The following GLI3 variants were observed in gnomAD, a reference collection of about 807,000 sequenced individuals.
GLI3 encodes GLI family zinc finger 3, also known as transcription activator GLI3.
GLI3 carries 20 observed loss-of-function variants against 100.8 expected under a neutral mutation model. The ratio of observed to expected loss-of-function variants is 0.20; its 90% CI spans 0.14 to 0.29. The LOEUF is 0.29. GLI3 is among the 10% of genes least tolerant of loss of function. The pLI, the probability that GLI3 is intolerant of heterozygous loss-of-function variation, is 1.00. For synonymous variants in GLI3, 938 were observed against 860.5 expected (o/e 1.09, Z -1.58); for missense variants, 2,040 against 2,128.5 (o/e 0.96, Z 0.82).
chr7:42,150,913 C>T (rs79853167), intron 2 of GLI3, among the ~76,000 whole-genome samples: 16,023 of 152,084 alleles, frequency 0.11, 1,026 homozygotes, highest in Middle Eastern at 0.15. Flanking sequence ...GGAGGGTAAT[C>T]GGGGCGGCGG....
intron 10 of GLI3, among the ~76,000 whole-genome samples, chr7:41,982,116 T>A (rs948149714): frequency 2.0e-5 from 3 of 152,162 alleles, no homozygotes; most frequent in Non-Finnish European, 4.4e-5. Context: ...ATTTTTGCAA[T>A]TTTCTGGAAC....
chr7:42,223,114 T>A lies in GLI3; in HGVS notation c.124+16A>T, dbSNP rs957877022. 6.2e-7 allele frequency: 1 copy of A among 1,613,566 alleles called. No homozygotes were observed. Among genetic ancestry groups the A allele is most frequent in the Non-Finnish European group, 8.5e-7 (1 of 1,179,658 alleles). On this transcript the variant is annotated intron_variant, in intron 2 of 14. Transcript: ENST00000395925. ...TGACTCCAGGCTGGGCTGCTGGTAATCCCTGTGCTGCTCACCATTAGAAGT... is the reference window on the plus strand; with the variant it reads ...TGACTCCAGGCTGGGCTGCTGGTAAACCCTGTGCTGCTCACCATTAGAAGT...
At chr7:42,005,573 C>G (rs2051211117) in intron 10 of GLI3, among the ~76,000 whole-genome samples, 1 of 151,644 alleles carries the variant, frequency 6.6e-6, no homozygotes, top group Admixed American at 6.6e-5. Flanking sequence ...GCCTTTTGTA[C>G]CCTTGGCAGG....
At chr7:42,216,169 A>C (rs1241140501) in intron 2 of GLI3, among the ~76,000 whole-genome samples, 1 of 152,180 alleles carries the variant, frequency 6.6e-6, no homozygotes, top group Non-Finnish European at 1.5e-5. Flanking sequence ...ATGCTGTTAC[A>C]CATGTCCCCT....
intron 3 of GLI3, among the ~76,000 whole-genome samples, chr7:42,132,170 G>C (rs1350016698): frequency 6.6e-6 from 1 of 151,686 alleles, no homozygotes; most frequent in Non-Finnish European, 1.5e-5. Context: ...GTTCAATCTC[G>C]GCTCACTGCA....
intron 7 of GLI3, among the ~76,000 whole-genome samples, chr7:42,035,933 A>C (rs567846021): frequency 6.6e-6 from 1 of 152,202 alleles, no homozygotes; most frequent in Non-Finnish European, 1.5e-5. Context: ...ATATTTTATA[A>C]CATACTTTCC....
intron 7 of GLI3, among the ~76,000 whole-genome samples, chr7:42,036,651 G>A (rs1446706749): frequency 6.6e-6 from 1 of 152,198 alleles, no homozygotes; most frequent in African/African-American, 2.4e-5. Context: ...TTAATGACAT[G>A]TTTAGAAATG....
upstream of GLI3, among the ~76,000 whole-genome samples, chr7:42,238,025 T>TCCTCCTC (rs1788864832): frequency 3.7e-5 from 4 of 108,928 alleles, no homozygotes; most frequent in African/African-American, 1.9e-4. Context: ...TCCTCCTCCT[T>TCCTCCTC]CTCCTCCTCC....
rs572105197 is a variant in GLI3 at position 42,025,375 on chromosome 7, G to T, written c.1245C>A (p.Asn415Lys). 2 of 1,608,814 alleles carry T rather than the reference G, an allele frequency of 1.2e-6. No individual in the cohort carries two copies. Among genetic ancestry groups the T allele is most frequent in the African/African-American group, 2.7e-5 (2 of 74,942 alleles). ...TCACTGCAGACTCACTCGTGGGCTT[G>T]TTCTGCTGGTCACATTTGCAGAGCC... ...VSSGPSESSQ[N>K]KPTSESAVSS... The change falls in exon 9 of 15, where the codon AAC (asparagine) becomes AAA (lysine). Residue 415 changes from asparagine to lysine, a missense_variant and splice_region_variant. Coordinates refer to ENST00000395925, the MANE Select transcript of GLI3 (RefSeq NM_000168.6).
At chr7:42,120,148 C>T (rs1158957024) in intron 3 of GLI3, among the ~76,000 whole-genome samples, 2 of 152,194 alleles carry the variant, frequency 1.3e-5, no homozygotes, top group African/African-American at 4.8e-5. Context: ...TTGACTTTAG[C>T]AGCCCCACTG....
intron 6 of GLI3, among the ~76,000 whole-genome samples, chr7:42,044,125 C>A (rs549203097): frequency 6.6e-6 from 1 of 152,338 alleles, no homozygotes; most frequent in East Asian, 1.9e-4. Context: ...GAAATAATCA[C>A]CTTCTTTCTA....
At chr7:42,239,800 CTTT>C (rs1244330258), upstream of GLI3, among the ~76,000 whole-genome samples, 1 of 152,156 alleles carries the variant, frequency 6.6e-6, no homozygotes, top group East Asian at 1.9e-4. Flanking sequence ...TCCAACTCTG[CTTT>C]AATGGTAAAC....
chr7:42,057,572 T>C (rs370721001), intron 4 of GLI3, among the ~76,000 whole-genome samples: 1 of 152,168 alleles, frequency 6.6e-6, no homozygotes, highest in Admixed American at 6.5e-5. Context: ...AACAACCTAA[T>C]ATCTATCAAC....
At chr7:42,117,645 T>C (rs934803093) in intron 3 of GLI3, among the ~76,000 whole-genome samples, 22 of 152,346 alleles carry the variant, frequency 1.4e-4, no homozygotes, top group East Asian at 3.9e-4. Context: ...TTTTGACTTG[T>C]TAGATGCCTG....
intron 1 of GLI3, among the ~76,000 whole-genome samples, chr7:42,263,290 C>G (rs1262999655): frequency 6.6e-6 from 1 of 152,130 alleles, no homozygotes; most frequent in Non-Finnish European, 1.5e-5. Flanking sequence ...AAAGTGCCTC[C>G]CCCTTGCCAG....
intron 10 of GLI3, among the ~76,000 whole-genome samples, chr7:42,013,469 T>G (rs1449797225): frequency 1.3e-5 from 2 of 152,078 alleles, no homozygotes; most frequent in South Asian, 4.1e-4. Flanking sequence ...CATAGCTCAT[T>G]GCAGCCACCT....
At chr7:42,091,922 A>C (rs1308871565) in intron 3 of GLI3, among the ~76,000 whole-genome samples, 1 of 152,208 alleles carries the variant, frequency 6.6e-6, no homozygotes, top group African/African-American at 2.4e-5. Flanking sequence ...AGTCAAACAA[A>C]CAGTTCACTT....
chr7:42,197,730 T>C lies in GLI3; in HGVS notation c.124+25400A>G, dbSNP rs1787956475. On this transcript the variant is annotated intron_variant, in intron 2 of 14. Coordinates refer to ENST00000395925, the MANE Select transcript of GLI3 (RefSeq NM_000168.6). Reference sequence around the variant, plus strand: ...GCCTAAAAGCAGTGTCGGGCTTAGCTACCCCAGACAGGAGAGTCAGCGCCT... The same window carrying C: ...GCCTAAAAGCAGTGTCGGGCTTAGCCACCCCAGACAGGAGAGTCAGCGCCT... Among the ~76,000 whole-genome samples the C allele has an allele frequency of 3.3e-5, 5 of 152,318 alleles. No individual in the cohort carries two copies. In the South Asian group the frequency reaches 6.2e-4, roughly 19 times the overall value.
At chr7:42,125,793 C>T (rs1306848043) in intron 3 of GLI3, among the ~76,000 whole-genome samples, 3 of 152,178 alleles carry the variant, frequency 2.0e-5, no homozygotes, top group East Asian at 1.9e-4. Context: ...ACGGCATTTA[C>T]GTGCAAACTC....
Sources: gnomAD v4.1 joint callset for allele counts (sites outside exome capture counted in the v4.1 genomes callset) on GRCh38, gnomAD v4.1.1 for gene constraint, MANE v1.5 for transcripts, NCBI Gene and HGNC (gene_info 2026-07-23, HGNC 2026-07-21) for gene names.